STAM: variants seen among roughly 807,000 people sequenced by gnomAD.
STAM encodes signal transducing adapter molecule 1.
A neutral mutation model predicts 63.4 loss-of-function variants in STAM; 16 were observed. The ratio of observed to expected loss-of-function variants is 0.25; its 90% CI spans 0.17 to 0.38. The LOEUF (loss-of-function observed/expected upper bound fraction) is 0.38, where lower values mean the gene tolerates loss of function less well. Among genes scored for constraint, STAM ranks in the 10% least tolerant of loss-of-function variants. STAM has a pLI of 1.00. For synonymous variants in STAM, 238 were observed against 223.9 expected (o/e 1.06, Z -0.56); for missense variants, 636 against 657.1 (o/e 0.97, Z 0.35).
At chr10:17,684,961 C>T (rs1413572662) in intron 4 of STAM, 34 bp downstream of exon 4, 2 of 1,527,504 alleles carry the variant, frequency 1.3e-6, no homozygotes, top group African/African-American at 2.7e-5. Flanking sequence ...TTAATTAAGG[C>T]AGTCTTCTTT....
intron 2 of STAM, among the ~76,000 whole-genome samples, chr10:17,668,754 A>G (rs549245326): frequency 1.3e-5 from 2 of 152,332 alleles, no homozygotes; most frequent in South Asian, 2.1e-4. Flanking sequence ...ACTTACCAGT[A>G]TGCATTTAAG....
chr10:17,687,832 A>T (rs551170884), intron 4 of STAM, among the ~76,000 whole-genome samples, 195 bp from the exon 5 acceptor site: 2 of 152,358 alleles, frequency 1.3e-5, no homozygotes, highest in East Asian at 3.9e-4. Context: ...CTTTAATTTG[A>T]AGTGAGATAT....
At chr10:17,644,435 C>T in intron 1 of STAM, 56 bp downstream of exon 1, 1 of 1,604,190 alleles carries the variant, frequency 6.2e-7, no homozygotes, top group Non-Finnish European at 8.5e-7. Context: ...GCTCACTCTG[C>T]CAGCCCCTGC....
At chr10:17,683,933 T>A (rs1182321862) in intron 2 of STAM, among the ~76,000 whole-genome samples, 1 of 152,242 alleles carries the variant, frequency 6.6e-6, no homozygotes, top group East Asian at 1.9e-4. Context: ...TCAGAAGTGG[T>A]TACATTCGTC....
chr10:17,655,721 A>T (rs1833910832), intron 1 of STAM, among the ~76,000 whole-genome samples: 1 of 152,170 alleles, frequency 6.6e-6, no homozygotes, highest in Admixed American at 6.5e-5. Flanking sequence ...GGTCAAGACC[A>T]ACCATTACAG....
chr10:17,678,049 A>C lies in STAM; in HGVS notation c.126-6626A>C, dbSNP rs76634322. 5.3e-3 allele frequency among the ~76,000 whole-genome samples: 805 copies of C among 152,292 alleles called. 13 individuals are homozygous for C. Among genetic ancestry groups the C allele is most frequent in the African/African-American group, 0.019 (779 of 41,556 alleles). ...TTCAGTGGGTTTTAATATGTTCATA[A>C]GTTTGTGCAACAGTATCTAATTCCT... On this transcript the variant is annotated intron_variant, in intron 2 of 13. Transcript: ENST00000377524.
At chr10:17,684,966 T>G in intron 4 of STAM, 39 bp downstream of exon 4, 3 of 1,507,678 alleles carry the variant, frequency 2.0e-6, no homozygotes, top group Non-Finnish European at 2.7e-6. Flanking sequence ...TAAGGCAGTC[T>G]TCTTTCTTCA....
rs782632582 is a variant in STAM at position 17,683,047 on chromosome 10, T to C, written c.126-1628T>C. ...GCTAACGGTAGTGAATAGATAAAAG[T>C]GTAGTTGGATTACAATCTTAATCTG... On this transcript the variant is annotated intron_variant, in intron 2 of 13. Transcript: ENST00000377524. Among the ~76,000 whole-genome samples the C allele has an allele frequency of 1.1e-4, 16 of 152,318 alleles. No individual in the cohort carries two copies. In the Middle Eastern group the frequency reaches 0.014, roughly 130 times the overall value.
Position 17,704,597 on chromosome 10 carries a change from G to C in STAM, c.1000+79G>C, listed in dbSNP as rs935344917. ...GGTGTCCTGTTAAAGAATGGGTTTTGAGGATAATATTAAAAATGGAACATT... is the reference window on the plus strand; with the variant it reads ...GGTGTCCTGTTAAAGAATGGGTTTTCAGGATAATATTAAAAATGGAACATT... On this transcript the variant is annotated intron_variant, in intron 10 of 13. Transcript: ENST00000377524. 3.8e-5 allele frequency: 47 copies of C among 1,226,806 alleles called. No homozygotes were observed. The African/African-American group carries it at 6.6e-4, about 17-fold the overall frequency. The allele number at this position is 1,226,806 out of a possible 1,614,324, so 76.0% of individuals were successfully genotyped here. A position where few individuals can be genotyped will look rare whatever the true frequency, so the allele number is the denominator to read the frequency against.
chr10:17,681,155 A>G lies in STAM; in HGVS notation c.126-3520A>G, dbSNP rs1190970007. ...CTTACCATTTTTTCTGTTTTTCTTT[A>G]TAGTAGCCATCCTGATGGGTGTGAG... On this transcript the variant is annotated intron_variant, in intron 2 of 13. Coordinates refer to ENST00000377524, the MANE Select transcript of STAM (RefSeq NM_003473.4). 4.2e-5 allele frequency among the ~76,000 whole-genome samples: 6 copies of G among 144,506 alleles called. No individual in the cohort carries two copies. In the South Asian group the frequency reaches 6.6e-4, roughly 16 times the overall value. The allele number at this position is 144,506 out of a possible 152,430, so 94.8% of individuals were successfully genotyped here.
At chr10:17,708,682 T>G (rs1836409625) in intron 12 of STAM, 94 bp from the exon 13 acceptor site, 2 of 1,287,004 alleles carry the variant, frequency 1.6e-6, no homozygotes, top group Non-Finnish European at 2.1e-6. Flanking sequence ...GTGGTGATTT[T>G]TCTTGTTTTT....
chr10:17,669,055 T>C (rs1834518878), intron 2 of STAM, among the ~76,000 whole-genome samples: 1 of 152,238 alleles, frequency 6.6e-6, no homozygotes, highest in Non-Finnish European at 1.5e-5. Flanking sequence ...AGTCTCAGTA[T>C]GGTTTTGTTT....
At chr10:17,705,228 G>A (rs567079481) in intron 11 of STAM, among the ~76,000 whole-genome samples, 2 of 152,236 alleles carry the variant, frequency 1.3e-5, no homozygotes, top group South Asian at 4.1e-4. Context: ...TTGCAATATA[G>A]TCAAAAGGAC....
intron 2 of STAM, among the ~76,000 whole-genome samples, chr10:17,682,909 T>C (rs544228946): frequency 5.3e-5 from 8 of 152,324 alleles, no homozygotes; most frequent in African/African-American, 1.9e-4. Context: ...ATTTTGAAGT[T>C]CTATTTTTGT....
At chr10:17,676,295 G>C (rs782327708) in intron 2 of STAM, among the ~76,000 whole-genome samples, 2 of 152,172 alleles carry the variant, frequency 1.3e-5, no homozygotes, top group Middle Eastern at 3.2e-3. Context: ...TGGGGCAGGA[G>C]TGGGTATAGG....
chr10:17,648,842 A>G (rs73603845), intron 1 of STAM, among the ~76,000 whole-genome samples: 1,762 of 152,262 alleles, frequency 0.012, 39 homozygotes, highest in African/African-American at 0.04. Context: ...ACTTAAAGGG[A>G]AATGCAAGTT....
At chr10:17,709,960 C>T (rs1299042185) in intron 13 of STAM, among the ~76,000 whole-genome samples, 1 of 149,526 alleles carries the variant, frequency 6.7e-6, no homozygotes, top group African/African-American at 2.5e-5. Context: ...AGCTTGCACT[C>T]TTGCAGGATT....
intron 5 of STAM, among the ~76,000 whole-genome samples, chr10:17,690,940 T>C (rs1835503962): frequency 6.6e-6 from 1 of 152,184 alleles, no homozygotes; most frequent in Non-Finnish European, 1.5e-5. Context: ...TTCAGAAACA[T>C]GCGGCTTCAC....
intron 2 of STAM, among the ~76,000 whole-genome samples, chr10:17,668,624 C>T (rs1454467618): frequency 6.6e-5 from 10 of 152,138 alleles, no homozygotes; most frequent in African/African-American, 2.4e-4. Context: ...TCATTCCTTT[C>T]CTTCCTCTCT....
Sources: allele counts gnomAD v4.1 joint callset (sites outside exome capture counted in the v4.1 genomes callset), GRCh38; gene constraint gnomAD v4.1.1; transcripts MANE v1.5; gene names NCBI Gene and HGNC (gene_info 2026-07-23, HGNC 2026-07-21).